Variants in DSCAM observed in about 807,000 individuals in gnomAD.
The protein encoded by DSCAM is DS cell adhesion molecule, also known as cell adhesion molecule DSCAM.
A neutral mutation model predicts 217.7 loss-of-function variants in DSCAM; 47 were observed. The observed-to-expected ratio is 0.22, with a 90% CI of 0.17 to 0.28. The LOEUF (loss-of-function observed/expected upper bound fraction) is 0.28. Among genes scored for constraint, DSCAM ranks in the 10% least tolerant of loss-of-function variants. The pLI, the probability that DSCAM is intolerant of heterozygous loss-of-function variation, is 1.00. For missense variants in DSCAM, 2,080 were observed against 2,618.3 expected (o/e 0.79, Z 4.49); for synonymous variants, 1,056 against 1,015.3 (o/e 1.04, Z -0.76).
intron 1 of DSCAM, among the ~76,000 whole-genome samples, chr21:40,721,612 A>T (rs2090901804): frequency 6.6e-6 from 1 of 152,208 alleles, no homozygotes; most frequent in Admixed American, 6.5e-5. Flanking sequence ...CAGAGCAATT[A>T]AAACTACCCA....
chr21:40,411,862 A>T (rs1037917929), intron 3 of DSCAM, among the ~76,000 whole-genome samples: 6 of 152,136 alleles, frequency 3.9e-5, no homozygotes, highest in Non-Finnish European at 5.9e-5. Flanking sequence ...ATACTCACTA[A>T]TATGGTTTGG....
chr21:40,756,163 GATA>G (rs1357791220), intron 1 of DSCAM, among the ~76,000 whole-genome samples: 4 of 152,136 alleles, frequency 2.6e-5, no homozygotes, highest in Non-Finnish European at 5.9e-5. Context: ...GTACTGTCAC[GATA>G]ATGAGTGAGT....
At chr21:40,079,991 A>G (rs956882241) in intron 25 of DSCAM, among the ~76,000 whole-genome samples, 161 bp downstream of exon 25, 5 of 152,114 alleles carry the variant, frequency 3.3e-5, no homozygotes, top group African/African-American at 1.2e-4. Context: ...TGGAAGGTCC[A>G]GCTGTCCCTC....
chr21:40,779,483 A>G (rs2091520339), intron 1 of DSCAM, among the ~76,000 whole-genome samples: 1 of 152,218 alleles, frequency 6.6e-6, no homozygotes, highest in African/African-American at 2.4e-5. Context: ...AAAAGTACTC[A>G]TTGCATGCGT....
At chr21:40,203,265 C>T (rs147110758) in intron 11 of DSCAM, among the ~76,000 whole-genome samples, 39 of 152,338 alleles carry the variant, frequency 2.6e-4, no homozygotes, top group African/African-American at 8.4e-4. Context: ...TGGCTTCTTT[C>T]CTTCCACCTT....
chr21:40,829,769 T>C (rs1471198797), intron 1 of DSCAM, among the ~76,000 whole-genome samples: 2 of 152,230 alleles, frequency 1.3e-5, no homozygotes, highest in South Asian at 4.1e-4. Context: ...ATGCTGCACG[T>C]TGGGAAGTGG....
intron 3 of DSCAM, among the ~76,000 whole-genome samples, chr21:40,581,532 T>C (rs1266300137): frequency 6.6e-6 from 1 of 152,198 alleles, no homozygotes; most frequent in East Asian, 1.9e-4. Flanking sequence ...TCCTAAACTG[T>C]AGCAACTTTC....
In DSCAM at chr21:40,324,103, C is replaced by CAA. The variant is rs71330393; in HGVS notation, c.1784-11746_1784-11745dup. 8.8e-3 allele frequency among the ~76,000 whole-genome samples: 245 copies of CAA among 27,926 alleles called. 2 individuals are homozygous for CAA. Among genetic ancestry groups the CAA allele is most frequent in the Middle Eastern group, 0.045 (1 of 22 alleles). 18.3% of individuals were successfully genotyped at this position (27,926 alleles called of 152,430 possible). A position where few individuals can be genotyped will look rare whatever the true frequency, so the allele number is the denominator to read the frequency against. On this transcript the variant is annotated intron_variant, in intron 8 of 32. Coordinates refer to ENST00000400454, the MANE Select transcript of DSCAM (RefSeq NM_001389.5). ...GGGCAACAAGAGTGAAACTCTGTCT[C>CAA]AAAAAAAAAAAAAAAAAAAAAAAAA...
chr21:40,808,369 T>G (rs2091806892), intron 1 of DSCAM, among the ~76,000 whole-genome samples: 1 of 151,636 alleles, frequency 6.6e-6, no homozygotes, highest in Admixed American at 6.6e-5. Flanking sequence ...AGAGAAGTGA[T>G]AAAAGTGCAG....
intron 3 of DSCAM, among the ~76,000 whole-genome samples, chr21:40,559,458 CAA>C (rs59510708): frequency 0.053 from 6,176 of 115,936 alleles, 131 homozygotes; most frequent in Middle Eastern, 0.15. Context: ...GACCCCGTCT[CAA>C]AAAAAAAAAA....
chr21:40,415,309 T>C (rs1046103989), intron 3 of DSCAM, among the ~76,000 whole-genome samples: 1 of 152,222 alleles, frequency 6.6e-6, no homozygotes, highest in African/African-American at 2.4e-5. Flanking sequence ...CATGGCGGAA[T>C]ATAAAAGGGC....
chr21:40,544,858 CT>C (rs981694855), intron 3 of DSCAM, among the ~76,000 whole-genome samples: 1 of 150,806 alleles, frequency 6.6e-6, no homozygotes, highest in Non-Finnish European at 1.5e-5. Flanking sequence ...ACTTGCGTCA[CT>C]TTTTTCCAAA....
intron 3 of DSCAM, among the ~76,000 whole-genome samples, chr21:40,373,546 C>G (rs2074920705): frequency 6.6e-6 from 1 of 152,188 alleles, no homozygotes; most frequent in Non-Finnish European, 1.5e-5. Context: ...GAAGGGGCTA[C>G]TGATACCCAG....
rs187395712 is a variant in DSCAM at position 40,764,708 on chromosome 21, C to A, written c.44-55937G>T. ...AAGACTTGGAACCAACCCAAATACC[C>A]ATCAATGATAGACTGGATAAAGAAA... On this transcript the variant is annotated intron_variant, in intron 1 of 32. Transcript: ENST00000400454. 5.9e-5 allele frequency among the ~76,000 whole-genome samples: 9 copies of A among 152,296 alleles called. No individual in the cohort carries two copies. In the East Asian group the frequency reaches 1.2e-3, roughly 20 times the overall value.
intron 11 of DSCAM, among the ~76,000 whole-genome samples, chr21:40,251,326 A>G (rs1477917881): frequency 6.6e-6 from 1 of 152,260 alleles, no homozygotes; most frequent in Non-Finnish European, 1.5e-5. Context: ...TAGTTACAGA[A>G]AAATGCTTCA....
chr21:40,686,408 C>G (rs574410006), intron 3 of DSCAM, among the ~76,000 whole-genome samples: 2 of 151,636 alleles, frequency 1.3e-5, no homozygotes, highest in South Asian at 4.2e-4. Flanking sequence ...ACCACACACA[C>G]GTATGCACAC....
At chr21:40,831,273 TAATAAG>T in intron 1 of DSCAM, among the ~76,000 whole-genome samples, 1 of 150,800 alleles carries the variant, frequency 6.6e-6, no homozygotes, top group Non-Finnish European at 1.5e-5. Flanking sequence ...TGTGAGAGAG[TAATAAG>T]AATATCACCA....
At chr21:40,573,014 T>C (rs1942209138) in intron 3 of DSCAM, among the ~76,000 whole-genome samples, 1 of 152,070 alleles carries the variant, frequency 6.6e-6, no homozygotes, top group Non-Finnish European at 1.5e-5. Context: ...ACATGAAAAA[T>C]TCCCCAGCAA....
intron 3 of DSCAM, among the ~76,000 whole-genome samples, chr21:40,673,208 C>T (rs2090297297): frequency 6.6e-6 from 1 of 152,136 alleles, no homozygotes; most frequent in Admixed American, 6.5e-5. Context: ...CTTGTTCCAT[C>T]TTTCCTTCCA....
Sources: allele counts gnomAD v4.1 joint callset (sites outside exome capture counted in the v4.1 genomes callset), GRCh38; gene constraint gnomAD v4.1.1; transcripts MANE v1.5; gene names NCBI Gene and HGNC (gene_info 2026-07-23, HGNC 2026-07-21).